NBPF20: variants seen among roughly 807,000 people sequenced by gnomAD.
NBPF20 encodes NBPF member 20.
NBPF20 carries 90 observed loss-of-function variants against 68.1 expected under a neutral mutation model. The observed-to-expected ratio is 1.32, with a 90% CI of 1.11 to 1.58. The LOEUF (loss-of-function observed/expected upper bound fraction) is 1.58. Among genes scored for constraint, NBPF20 ranks in the 40% most tolerant of loss-of-function variants. The probability of loss-of-function intolerance (pLI) is 0.00; values close to 1 mark genes in which losing one functional copy is unlikely to be tolerated. For missense variants in NBPF20, 816 were observed against 601.2 expected (o/e 1.36, Z -3.74); for synonymous variants, 290 against 228.1 (o/e 1.27, Z -2.45).
Position 145,292,583 on chromosome 1 carries a change from T to G in NBPF20, c.16589-94A>C, listed in dbSNP as rs1441248974. ...TAATCCTCACACAGGGACCTCAGGC[T>G]CCCCAGCATAAGAATAGGACACTTT... On this transcript the variant is annotated intron_variant, in intron 136 of 137. Coordinates refer to ENST00000369373, the Ensembl canonical transcript of NBPF20. 39 of 743,988 alleles carry G rather than the reference T, an allele frequency of 5.2e-5. 1 individual carries two copies. Among genetic ancestry groups the G allele is most frequent in the Non-Finnish European group, 8.2e-5 (34 of 413,636 alleles). 46.1% of individuals were successfully genotyped at this position (743,988 alleles called of 1,614,324 possible).
chr1:145,392,942 A>T (rs1661979404), intron 10 of NBPF20, 132 bp downstream of exon 15: 1 of 358,442 alleles, frequency 2.8e-6, no homozygotes, highest in Non-Finnish European at 4.7e-6. Flanking sequence ...GTTTCATTCA[A>T]CCTACATGTG....
chr1:145,393,251 A>T lies in NBPF20; in HGVS notation c.1044-5T>A, dbSNP rs1266157952. ...TCCAGCAGCTCCCTGCTGAGCCTGGAAAAGTGGGAAAAAGTAAAGAATAAG... is the reference window on the plus strand; with the variant it reads ...TCCAGCAGCTCCCTGCTGAGCCTGGTAAAGTGGGAAAAAGTAAAGAATAAG... On this transcript the variant is annotated splice_polypyrimidine_tract_variant and splice_region_variant and intron_variant, in intron 9 of 137. Transcript: ENST00000369373. 1 of 634,860 alleles carries T rather than the reference A, an allele frequency of 1.6e-6. No individual in the cohort carries two copies. Among genetic ancestry groups the T allele is most frequent in the Non-Finnish European group, 2.8e-6 (1 of 357,282 alleles). The allele number at this position is 634,860 out of a possible 1,614,324, so 39.3% of individuals were successfully genotyped here.
intron 8 of NBPF20, among the ~76,000 whole-genome samples, chr1:145,394,270 T>C (rs1204116856): frequency 2.6e-5 from 4 of 151,492 alleles, no homozygotes; most frequent in African/African-American, 9.8e-5. Context: ...AATATTAAGC[T>C]TTCTCTCATC....
chr1:145,407,849 C>A (rs1459585792), upstream of NBPF20: 1 of 160,478 alleles, frequency 6.2e-6, no homozygotes, highest in Non-Finnish European at 1.4e-5. Flanking sequence ...CCATCTGGGC[C>A]GCCGTCCCAG....
At chr1:145,338,123 A>T (rs1661591346) in intron 79 of NBPF20, among the ~76,000 whole-genome samples, 40 of 38,210 alleles carry the variant, frequency 1.0e-3, no homozygotes, top group African/African-American at 4.3e-3. Flanking sequence ...GGACACTCTG[A>T]GTTAGTGCCC....
At chr1:145,291,396 G>A (rs1337341855) in exon 138 of NBPF20, 21 of 1,584,712 alleles carry the variant, frequency 1.3e-5, no homozygotes, top group African/African-American at 2.7e-5. Context: ...TTTGAGAATA[G>A]GAATACAGCC....
chr1:145,395,261 T>G (rs1662167983), intron 7 of NBPF20, 120 bp from the exon 13 acceptor site: 4 of 1,005,890 alleles, frequency 4.0e-6, no homozygotes, highest in Non-Finnish European at 5.9e-6. Context: ...CAAAGGCATT[T>G]TTCCTTCAAG....
chr1:145,334,824 G>A (rs1473014758), intron 83 of NBPF20, among the ~76,000 whole-genome samples, 193 bp from the exon 89 acceptor site: 81 of 136,822 alleles, frequency 5.9e-4, no homozygotes, highest in African/African-American at 1.9e-3. Flanking sequence ...AGAAAGACAG[G>A]GAGAGGGAGG....
intron 113 of NBPF20, among the ~76,000 whole-genome samples, chr1:145,311,065 G>C (rs1359579227): frequency 1.2e-5 from 1 of 84,546 alleles, no homozygotes. Flanking sequence ...GAGAAAGTAA[G>C]CTCAGCGAGT....
At position 145,291,658 on chromosome 1, in the gene NBPF20, G is replaced by C. The variant is rs1419293632; in HGVS notation, c.16809C>G (p.His5603Gln). Residue 5603 changes from histidine to glutamine, a missense_variant, in exon 138 of 138, where the codon CAC (histidine) becomes CAG (glutamine). Transcript: ENST00000369373. ...CAAATGAGTAAAACACACTTCTGTA[G>C]TGCTGGAATGAGTCAGGTAGTTCAA... The C allele has an allele frequency of 6.2e-6, 10 of 1,611,870 alleles. No individual in the cohort carries two copies. In the Admixed American group the frequency reaches 8.3e-5, roughly 13 times the overall value.
At chr1:145,393,480 C>CAT (rs1387553509) in intron 9 of NBPF20, among the ~76,000 whole-genome samples, 7 of 151,908 alleles carry the variant, frequency 4.6e-5, no homozygotes, top group African/African-American at 1.7e-4. Flanking sequence ...CACACACACA[C>CAT]ACACACACAC....
At chr1:145,291,886 T>C (rs1553657860) in intron 137 of NBPF20, 117 bp from the exon 143 acceptor site, 2 of 1,582,530 alleles carry the variant, frequency 1.3e-6, no homozygotes, top group Non-Finnish European at 1.7e-6. Flanking sequence ...ATAGATCCAT[T>C]AATGAGGTAA....
chr1:145,291,567 G>A, exon 138 of NBPF20: 3 of 1,612,012 alleles, frequency 1.9e-6, no homozygotes, highest in Non-Finnish European at 1.7e-6. Flanking sequence ...ACCAGGTGGA[G>A]ACTTGTCACC....
At chr1:145,403,971 G>C (rs1357628928) in intron 2 of NBPF20, among the ~76,000 whole-genome samples, 2 of 141,586 alleles carry the variant, frequency 1.4e-5, no homozygotes, top group South Asian at 2.5e-4. Context: ...CTAGGAGATT[G>C]ACAAGAAATA....
chr1:145,419,935 AC>A, the NBPF20 span, among the ~76,000 whole-genome samples: 1 of 152,026 alleles, frequency 6.6e-6, no homozygotes, highest in Non-Finnish European at 1.5e-5. Flanking sequence ...GGAGATGGGA[AC>A]GGCCTTCAAA....
intron 8 of NBPF20, among the ~76,000 whole-genome samples, chr1:145,394,167 T>A (rs1359529647): frequency 6.6e-6 from 1 of 152,182 alleles, no homozygotes; most frequent in African/African-American, 2.4e-5. Context: ...CTTCCCTATG[T>A]GCTCTGTCCT....
upstream of NBPF20, among the ~76,000 whole-genome samples, chr1:145,406,085 ATT>A (rs587699811): frequency 1.6e-3 from 192 of 117,640 alleles, no homozygotes; most frequent in African/African-American, 5.9e-3. Flanking sequence ...CGCCCGGCTA[ATT>A]TTTTTTTTTT....
At chr1:145,291,442 A>G in exon 138 of NBPF20, 1 of 1,611,374 alleles carries the variant, frequency 6.2e-7, no homozygotes, top group South Asian at 1.1e-5. Context: ...GGGCTTCCAA[A>G]TGGAACTGTA....
exon 137 of NBPF20, chr1:145,292,479 C>A (rs1553658271): frequency 1.4e-6 from 1 of 716,202 alleles, no homozygotes; most frequent in African/African-American, 2.1e-5. Flanking sequence ...CCTTCCCCTT[C>A]TTTTCAATTT....
Sources: allele counts gnomAD v4.1 joint callset (sites outside exome capture counted in the v4.1 genomes callset), GRCh38; gene constraint gnomAD v4.1.1; transcripts MANE v1.5; gene names NCBI Gene and HGNC (gene_info 2026-07-23, HGNC 2026-07-21).